PTPRE: variants seen among roughly 807,000 people sequenced by gnomAD.
The protein encoded by PTPRE is protein tyrosine phosphatase receptor type E.
In PTPRE, 51 loss-of-function variants were observed where a neutral mutation model predicts 102.0. That is an observed-to-expected ratio of 0.50 (90% CI 0.40 to 0.63). PTPRE has a LOEUF of 0.63. Among genes scored for constraint, PTPRE ranks in the 30% least tolerant of loss-of-function variants. PTPRE has a pLI of 0.00. For synonymous variants in PTPRE, 345 were observed against 348.2 expected (o/e 0.99, Z 0.10); for missense variants, 752 against 915.1 (o/e 0.82, Z 2.30).
intron 2 of PTPRE, among the ~76,000 whole-genome samples, chr10:128,009,635 C>T (rs751218650): frequency 3.3e-5 from 5 of 152,174 alleles, no homozygotes; most frequent in Admixed American, 1.3e-4. Flanking sequence ...GACTGGAGCT[C>T]GGGTCGTCCT....
chr10:128,027,098 A>G (rs946152745), intron 2 of PTPRE, among the ~76,000 whole-genome samples: 5 of 152,232 alleles, frequency 3.3e-5, no homozygotes, highest in African/African-American at 9.6e-5. Context: ...GGCAGGACTT[A>G]TAGTAGTCCC....
At chr10:128,034,109 T>C (rs1847000846) in intron 2 of PTPRE, among the ~76,000 whole-genome samples, 1 of 152,236 alleles carries the variant, frequency 6.6e-6, no homozygotes, top group Non-Finnish European at 1.5e-5. Flanking sequence ...CTTTGTAGTA[T>C]GCACTTTCTC....
intron 1 of PTPRE, among the ~76,000 whole-genome samples, chr10:127,959,046 G>A (rs928339162): frequency 9.2e-5 from 14 of 152,096 alleles, no homozygotes; most frequent in Middle Eastern, 6.8e-3. Context: ...ACAGGCATGC[G>A]CCACCACACC....
At chr10:128,077,557 G>A (rs1293443591) in intron 18 of PTPRE, 60 bp from the exon 19 acceptor site, 9 of 1,539,312 alleles carry the variant, frequency 5.8e-6, no homozygotes, top group South Asian at 3.6e-5. Context: ...GAGGGCAGAT[G>A]GGGCTGGGGC....
chr10:128,047,375 C>G lies in PTPRE; in HGVS notation c.110-15C>G. 6.2e-7 allele frequency: 1 copy of G among 1,611,796 alleles called. No individual in the cohort carries two copies. Among genetic ancestry groups the G allele is most frequent in the Non-Finnish European group, 8.5e-7 (1 of 1,179,460 alleles). On this transcript the variant is annotated splice_polypyrimidine_tract_variant and intron_variant, in intron 3 of 20. Coordinates refer to ENST00000254667, the MANE Select transcript of PTPRE (RefSeq NM_006504.6). ...AGTGAGGTCAGGGGTTAGGGTCTTT[C>G]TGCTTCTCCTGCAGGCCCTCCGGAC...
intron 2 of PTPRE, among the ~76,000 whole-genome samples, chr10:128,018,778 C>A (rs899927930): frequency 6.6e-6 from 1 of 152,178 alleles, no homozygotes; most frequent in Non-Finnish European, 1.5e-5. Flanking sequence ...GGCTTCTCAG[C>A]CTAGTGGGGA....
chr10:127,993,130 T>C (rs1852855657), intron 2 of PTPRE, among the ~76,000 whole-genome samples: 1 of 152,132 alleles, frequency 6.6e-6, no homozygotes. Context: ...TTCAGGTCTA[T>C]GAAAGACAGA....
At chr10:128,073,229 T>G in intron 16 of PTPRE, 108 bp from the exon 17 acceptor site, 1 of 1,464,422 alleles carries the variant, frequency 6.8e-7, no homozygotes, top group Non-Finnish European at 9.3e-7. Context: ...CCATGGAGGA[T>G]GAGAGAGTTT....
chr10:127,968,885 A>G (rs1469058325), intron 1 of PTPRE, among the ~76,000 whole-genome samples: 1 of 152,250 alleles, frequency 6.6e-6, no homozygotes, highest in Non-Finnish European at 1.5e-5. Context: ...TAAGCTTCCT[A>G]GCTGACAAGG....
At chr10:128,035,072 T>C (rs991013724) in intron 2 of PTPRE, among the ~76,000 whole-genome samples, 1 of 152,076 alleles carries the variant, frequency 6.6e-6, no homozygotes, top group African/African-American at 2.4e-5. Context: ...AACCTCCGCT[T>C]CCCAAGCTCA....
rs1851960494 is a variant in PTPRE, at chr10:128,084,512, G to C, written c.*1606G>C. ...GGCTCTGAGCCCCATCCAAGGGCAAGACTTGGTGCCCAGCTGGAAGGACGA... is the reference window on the plus strand; with the variant it reads ...GGCTCTGAGCCCCATCCAAGGGCAACACTTGGTGCCCAGCTGGAAGGACGA... On this transcript the variant is annotated 3_prime_UTR_variant, in exon 21 of 21. Coordinates refer to ENST00000254667, the MANE Select transcript of PTPRE (RefSeq NM_006504.6). 6.6e-6 allele frequency: 1 copy of C among 152,348 alleles called. No individual in the cohort carries two copies. Among genetic ancestry groups the C allele is most frequent in the Non-Finnish European group, 1.5e-5 (1 of 68,128 alleles). 9.4% of individuals were successfully genotyped at this position (152,348 alleles called of 1,614,324 possible). A position where few individuals can be genotyped will look rare whatever the true frequency, so the allele number is the denominator to read the frequency against.
intron 1 of PTPRE, among the ~76,000 whole-genome samples, chr10:127,980,558 G>A (rs1043389138): frequency 3.4e-4 from 51 of 151,934 alleles, no homozygotes; most frequent in African/African-American, 1.0e-3. Context: ...AATAGGAGTG[G>A]GACAAATCCT....
intron 1 of PTPRE, among the ~76,000 whole-genome samples, chr10:127,968,655 G>T (rs972510858): frequency 6.6e-6 from 1 of 152,260 alleles, no homozygotes; most frequent in Non-Finnish European, 1.5e-5. Context: ...AGGTATGGAT[G>T]CTGTCTTCAC....
intron 1 of PTPRE, among the ~76,000 whole-genome samples, chr10:127,969,353 C>T (rs559589357): frequency 7.2e-5 from 11 of 152,170 alleles, no homozygotes; most frequent in Non-Finnish European, 1.6e-4. Context: ...ATCCTGGTGC[C>T]TTTGCAGGGT....
chr10:128,031,114 C>T (rs905836621), intron 2 of PTPRE, among the ~76,000 whole-genome samples: 7 of 152,252 alleles, frequency 4.6e-5, no homozygotes, highest in Non-Finnish European at 7.3e-5. Context: ...TGAATGAATG[C>T]ATGGATGAAT....
intron 1 of PTPRE, chr10:127,965,115 C>G (rs373247519): frequency 5.7e-4 from 223 of 388,532 alleles, no homozygotes; most frequent in East Asian, 5.4e-3. Context: ...ATCATTATTA[C>G]AAGTTGGCTT....
chr10:127,930,252 A>G (rs1168993127), intron 1 of PTPRE, among the ~76,000 whole-genome samples: 2 of 152,110 alleles, frequency 1.3e-5, no homozygotes, highest in Admixed American at 1.3e-4. Flanking sequence ...CCCGAAAAAA[A>G]AAATCTGTCA....
intron 11 of PTPRE, among the ~76,000 whole-genome samples, chr10:128,067,221 TGC>T (rs1361118302): frequency 1.1e-5 from 1 of 89,188 alleles, no homozygotes; most frequent in Non-Finnish European, 2.3e-5. Context: ...CACATTCACA[TGC>T]ACACACATGC....
intron 2 of PTPRE, among the ~76,000 whole-genome samples, chr10:127,982,948 A>G (rs976673993): frequency 6.6e-6 from 1 of 152,222 alleles, no homozygotes; most frequent in Non-Finnish European, 1.5e-5. Flanking sequence ...AAGAAAATCT[A>G]AGAGCTTTCG....
Sources: gnomAD v4.1 joint callset for allele counts (sites outside exome capture counted in the v4.1 genomes callset) on GRCh38, gnomAD v4.1.1 for gene constraint, MANE v1.5 for transcripts, NCBI Gene and HGNC (gene_info 2026-07-23, HGNC 2026-07-21) for gene names.